Variants in ANKRD44 observed in about 807,000 individuals in gnomAD.
ANKRD44 encodes the protein ankyrin repeat domain 44.
In ANKRD44, 35 loss-of-function variants were observed where a neutral mutation model predicts 116.0. That is an observed-to-expected ratio of 0.30 (90% CI 0.23 to 0.40). The LOEUF (loss-of-function observed/expected upper bound fraction) is 0.40, where lower values mean the gene tolerates loss of function less well. Ranked by LOEUF, ANKRD44 falls within the 10% of genes least tolerant of loss-of-function variation. ANKRD44 has a pLI of 1.00. For synonymous variants in ANKRD44, 435 were observed against 461.8 expected (o/e 0.94, Z 0.74); for missense variants, 1,014 against 1,242.6 (o/e 0.82, Z 2.77).
intron 4 of ANKRD44, chr2:197,136,329 C>A: frequency 4.0e-6 from 2 of 501,490 alleles, no homozygotes; most frequent in Non-Finnish European, 7.2e-6. Context: ...ATGCTTTCTG[C>A]TTTGCCTCCT....
At chr2:197,067,313 C>A (rs2125079982) in intron 16 of ANKRD44, among the ~76,000 whole-genome samples, 1 of 152,136 alleles carries the variant, frequency 6.6e-6, no homozygotes, top group Non-Finnish European at 1.5e-5. Flanking sequence ...AAATGTTAGA[C>A]CTAACACCTA....
chr2:197,238,591 A>T (rs576050373), intron 1 of ANKRD44, among the ~76,000 whole-genome samples: 1 of 152,340 alleles, frequency 6.6e-6, no homozygotes, highest in East Asian at 1.9e-4. Context: ...ACAGTGGCTT[A>T]ATCAAGAAAG....
chr2:197,184,749 G>A (rs949160189), intron 2 of ANKRD44, among the ~76,000 whole-genome samples: 3 of 151,600 alleles, frequency 2.0e-5, no homozygotes, highest in African/African-American at 7.3e-5. Flanking sequence ...GAGGCCACAT[G>A]TTGCTACCTG....
At chr2:197,016,751 A>G (rs1273753645) in intron 17 of ANKRD44, among the ~76,000 whole-genome samples, 4 of 152,176 alleles carry the variant, frequency 2.6e-5, no homozygotes, top group African/African-American at 9.6e-5. Flanking sequence ...CACAAAAAAA[A>G]GAAAAGAAAA....
At chr2:196,978,320 G>A (rs1457023442) in intron 21 of ANKRD44, among the ~76,000 whole-genome samples, 2 of 152,088 alleles carry the variant, frequency 1.3e-5, no homozygotes, top group African/African-American at 2.4e-5. Context: ...GCTTCCTGAG[G>A]CCCTCACCAG....
chr2:197,058,339 C>G (rs767915235), intron 16 of ANKRD44, among the ~76,000 whole-genome samples: 61 of 151,964 alleles, frequency 4.0e-4, no homozygotes, highest in Middle Eastern at 3.4e-3. Flanking sequence ...GTTAGAAAAG[C>G]ACTGGAGTTG....
intron 19 of ANKRD44, among the ~76,000 whole-genome samples, chr2:197,008,715 C>T (rs2076243322): frequency 6.6e-6 from 1 of 152,170 alleles, no homozygotes; most frequent in African/African-American, 2.4e-5. Flanking sequence ...ATGGCCACAG[C>T]CCTTAAAAAG....
chr2:197,139,482 A>AT (rs1211119154), intron 3 of ANKRD44, among the ~76,000 whole-genome samples: 1 of 152,212 alleles, frequency 6.6e-6, no homozygotes, highest in Non-Finnish European at 1.5e-5. Context: ...GATATAAAAT[A>AT]AAAGTTTAAA....
At chr2:197,083,201 C>T (rs2077836953) in intron 14 of ANKRD44, among the ~76,000 whole-genome samples, 168 bp downstream of exon 14, 1 of 152,172 alleles carries the variant, frequency 6.6e-6, no homozygotes, top group South Asian at 2.1e-4. Context: ...AATAATCAAA[C>T]ATAAATTGAC....
chr2:197,034,812 G>A (rs1391229437), intron 16 of ANKRD44, among the ~76,000 whole-genome samples: 1 of 151,988 alleles, frequency 6.6e-6, no homozygotes, highest in African/African-American at 2.4e-5. Context: ...AGTGAAGATA[G>A]GTGCCTGAAG....
chr2:197,002,567 A>G (rs1409511977), intron 21 of ANKRD44, among the ~76,000 whole-genome samples: 1 of 152,152 alleles, frequency 6.6e-6, no homozygotes, highest in African/African-American at 2.4e-5. Flanking sequence ...TACCTGCCCT[A>G]CCTATGTCAC....
Position 196,988,583 on chromosome 2 carries a change from G to GAA in ANKRD44, c.*1006_*1007dup. On this transcript the variant is annotated 3_prime_UTR_variant, in exon 28 of 28. Coordinates refer to ENST00000282272, the MANE Select transcript of ANKRD44 (RefSeq NM_001195144.2). ...TAAGATTAAAGTTTTATAGCTAGAT[G>GAA]AAAAATATAATACAGTTATCTGTCT... is the stretch of plus-strand genomic sequence containing the variant. 1 of 983,662 alleles carries GAA rather than the reference G, an allele frequency of 1.0e-6. No homozygotes were observed. The highest frequency in any genetic ancestry group is 1.2e-6 in the Non-Finnish European group (1 of 828,356). The allele number at this position is 983,662 out of a possible 1,614,324, so 60.9% of individuals were successfully genotyped here. A position where few individuals can be genotyped will look rare whatever the true frequency, so the allele number is the denominator to read the frequency against.
intron 1 of ANKRD44, among the ~76,000 whole-genome samples, chr2:197,269,849 C>T (rs938082263): frequency 3.3e-5 from 5 of 152,128 alleles, no homozygotes; most frequent in Non-Finnish European, 5.9e-5. Flanking sequence ...ACTCAAAGAA[C>T]ATGTAGGAAT....
At chr2:197,031,084 C>T (rs1319113717) in intron 16 of ANKRD44, among the ~76,000 whole-genome samples, 4 of 152,100 alleles carry the variant, frequency 2.6e-5, no homozygotes, top group Admixed American at 6.6e-5. Flanking sequence ...ATCTACTTTA[C>T]CTCTTTTTCT....
At chr2:197,294,090 A>AAAATGGGG (rs1673048315) in intron 1 of ANKRD44, among the ~76,000 whole-genome samples, 1 of 152,190 alleles carries the variant, frequency 6.6e-6, no homozygotes, top group Non-Finnish European at 1.5e-5. Flanking sequence ...CTCCCTATGA[A>AAAATGGGG]AAATGGGGAT....
At chr2:196,982,495 T>A (rs993616125), downstream of ANKRD44, among the ~76,000 whole-genome samples, 1 of 152,124 alleles carries the variant, frequency 6.6e-6, no homozygotes, top group Non-Finnish European at 1.5e-5. Context: ...CCATTTTCAT[T>A]GGGTAGGACA....
At chr2:197,152,673 T>C (rs572398568) in intron 2 of ANKRD44, among the ~76,000 whole-genome samples, 1 of 152,300 alleles carries the variant, frequency 6.6e-6, no homozygotes, top group Non-Finnish European at 1.5e-5. Flanking sequence ...GAGTTTGACA[T>C]GGGCAGAGAG....
intron 4 of ANKRD44, chr2:197,136,338 C>G (rs1046823559): frequency 1.2e-5 from 6 of 512,548 alleles, no homozygotes; most frequent in Non-Finnish European, 2.1e-5. Flanking sequence ...GCTTTGCCTC[C>G]TCCCCAGGCT....
chr2:197,086,800 T>G, intron 12 of ANKRD44, 52 bp from the exon 13 acceptor site: 47 of 1,507,236 alleles, frequency 3.1e-5, no homozygotes, highest in Non-Finnish European at 4.2e-5. Flanking sequence ...ATTACTGGCC[T>G]ATCTTCAGCA....
Sources: gnomAD v4.1 joint callset for allele counts (sites outside exome capture counted in the v4.1 genomes callset) on GRCh38, gnomAD v4.1.1 for gene constraint, MANE v1.5 for transcripts, NCBI Gene and HGNC (gene_info 2026-07-23, HGNC 2026-07-21) for gene names.